The following OCA2 variants were observed in gnomAD, a reference collection of about 807,000 sequenced individuals.
OCA2 encodes OCA2 melanosomal transmembrane protein.
A neutral mutation model predicts 100.2 loss-of-function variants in OCA2; 77 were observed. The ratio of observed to expected loss-of-function variants is 0.77; its 90% CI spans 0.64 to 0.93. The LOEUF is 0.93. Among genes scored for constraint, OCA2 ranks in the 40% least tolerant of loss-of-function variants. OCA2 has a pLI of 0.00. For synonymous variants in OCA2, 432 were observed against 439.2 expected, an observed-to-expected ratio of 0.98 and a Z score of 0.21; for missense variants, 1,062 against 1,089.1, an observed-to-expected ratio of 0.98 and a Z score of 0.35.
intron 23 of OCA2, among the ~76,000 whole-genome samples, chr15:27,829,279 T>TGATAGATAGATAGATAGATAGATA (rs56223349): frequency 9.3e-6 from 1 of 107,518 alleles, no homozygotes; most frequent in African/African-American, 3.0e-5. Context: ...AGAAGATAGA[T>TGATAGATAGATAGATAGATAGATA]GATAGATAGA....
At chr15:27,784,424 T>C (rs1407143138) in intron 23 of OCA2, among the ~76,000 whole-genome samples, 1 of 152,140 alleles carries the variant, frequency 6.6e-6, no homozygotes, top group Non-Finnish European at 1.5e-5. Context: ...CAAATGAATA[T>C]TTGCCTTTGT....
intron 2 of OCA2, 86 bp downstream of exon 2, chr15:28,081,562 C>A (rs968123155): frequency 7.3e-7 from 1 of 1,365,322 alleles, no homozygotes; most frequent in Non-Finnish European, 1.0e-6. Flanking sequence ...GAAATTTTTC[C>A]CACAACAAAC....
chr15:27,754,319 C>T (rs2030181706), downstream of OCA2, among the ~76,000 whole-genome samples: 1 of 152,170 alleles, frequency 6.6e-6, no homozygotes, highest in Non-Finnish European at 1.5e-5. Flanking sequence ...GAAATGGGAC[C>T]AGAAAGGTCT....
intron 23 of OCA2, among the ~76,000 whole-genome samples, chr15:27,800,085 T>G (rs1031035193): frequency 6.6e-6 from 1 of 152,108 alleles, no homozygotes; most frequent in South Asian, 2.1e-4. Flanking sequence ...GGAAAGTAAA[T>G]AATGCATTTC....
intron 19 of OCA2, among the ~76,000 whole-genome samples, chr15:27,883,894 A>G (rs1469902876): frequency 1.3e-5 from 2 of 152,208 alleles, no homozygotes; most frequent in African/African-American, 4.8e-5. Context: ...TTGAACCTCT[A>G]AAATATATTG....
chr15:27,880,537 C>G (rs2036972237), intron 19 of OCA2, among the ~76,000 whole-genome samples: 1 of 152,150 alleles, frequency 6.6e-6, no homozygotes, highest in Admixed American at 6.6e-5. Flanking sequence ...TTTCCTTGAG[C>G]AGTGAATTTG....
chr15:27,946,894 T>C (rs1436822899), intron 18 of OCA2, among the ~76,000 whole-genome samples: 2 of 152,182 alleles, frequency 1.3e-5, no homozygotes, highest in African/African-American at 2.4e-5. Context: ...TGGCCTGCCT[T>C]GTTTGACTGT....
intron 9 of OCA2, among the ~76,000 whole-genome samples, chr15:28,003,579 C>A (rs16950781): frequency 0.029 from 4,237 of 147,716 alleles, 215 homozygotes; most frequent in African/African-American, 0.11. Context: ...CTGGCTGCTA[C>A]ACGCTGGCTG....
intron 9 of OCA2, among the ~76,000 whole-genome samples, chr15:28,010,520 G>A (rs1455971203): frequency 6.6e-6 from 1 of 151,806 alleles, no homozygotes; most frequent in Admixed American, 6.6e-5. Flanking sequence ...AAAATGACAA[G>A]GTATAAGATT....
intron 21 of OCA2, among the ~76,000 whole-genome samples, chr15:27,870,729 AAGGAAGGG>A (rs1166074149): frequency 2.0e-5 from 2 of 101,472 alleles, no homozygotes; most frequent in South Asian, 5.0e-4. Flanking sequence ...GGAAAGAAGG[AAGGAAGGG>A]AGGGAGGGAG....
chr15:28,008,492 TTTTAAAAAGTTCTAAGTTGC>T (rs1271325962), intron 9 of OCA2, among the ~76,000 whole-genome samples: 3 of 152,196 alleles, frequency 2.0e-5, no homozygotes, highest in Non-Finnish European at 2.9e-5. Flanking sequence ...CCTTTGCCTC[TTTTAAAAAGTTCTAAGTTGC>T]TAGCCAATCA....
intron 2 of OCA2, among the ~76,000 whole-genome samples, chr15:28,074,143 C>T (rs545832493): frequency 2.0e-5 from 3 of 152,240 alleles, no homozygotes; most frequent in Admixed American, 6.5e-5. Context: ...GAAAGAACCA[C>T]GTTAGAGGGC....
chr15:27,770,812 T>TCCTTCCTCCCTCTTTTCCTTCCTC (rs2031701761), intron 23 of OCA2, among the ~76,000 whole-genome samples: 8 of 109,764 alleles, frequency 7.3e-5, no homozygotes, highest in Admixed American at 9.2e-5. Context: ...TTTCCTTCCT[T>TCCTTCCTCCCTCTTTTCCTTCCTC]CCTCCCTTCC....
At chr15:28,093,626 T>A (rs1014998512) in intron 1 of OCA2, among the ~76,000 whole-genome samples, 2 of 151,972 alleles carry the variant, frequency 1.3e-5, no homozygotes, top group Non-Finnish European at 2.9e-5. Flanking sequence ...GAAATGAAAC[T>A]TTCATTCACA....
intron 23 of OCA2, among the ~76,000 whole-genome samples, chr15:27,839,684 AG>A (rs1460306211): frequency 0.036 from 6 of 168 alleles, no homozygotes; most frequent in Non-Finnish European, 0.068. Context: ...AAGAGATTCA[AG>A]GAAGAAATAA....
intron 2 of OCA2, among the ~76,000 whole-genome samples, chr15:28,053,235 G>C (rs2043572978): frequency 6.7e-6 from 1 of 150,024 alleles, no homozygotes; most frequent in Non-Finnish European, 1.5e-5. Context: ...CACACACATG[G>C]TGTGTATCTC....
At chr15:27,846,075 C>T (rs1204760234) in intron 22 of OCA2, among the ~76,000 whole-genome samples, 1 of 151,110 alleles carries the variant, frequency 6.6e-6, no homozygotes, top group Non-Finnish European at 1.5e-5. Context: ...AGGTGGGGCT[C>T]AGGCTGCCCC....
chr15:27,997,027 A>AAGAG (rs1056278863), intron 9 of OCA2, among the ~76,000 whole-genome samples: 11 of 75,526 alleles, frequency 1.5e-4, no homozygotes, highest in African/African-American at 3.0e-4. Context: ...GAAAGAAAGA[A>AAGAG]AGAGAGAGAG....
chr15:27,800,766 A>G (rs2033562723), intron 23 of OCA2, among the ~76,000 whole-genome samples: 1 of 151,276 alleles, frequency 6.6e-6, no homozygotes, highest in Admixed American at 6.6e-5. Flanking sequence ...AGAGTTCAAG[A>G]CCAGCCTGGG....
Sources: gnomAD v4.1 joint callset for allele counts (sites outside exome capture counted in the v4.1 genomes callset) on GRCh38, gnomAD v4.1.1 for gene constraint, MANE v1.5 for transcripts, NCBI Gene and HGNC (gene_info 2026-07-23, HGNC 2026-07-21) for gene names.